The following PLEKHA2 variants were observed in gnomAD, a reference collection of about 807,000 sequenced individuals.
The protein encoded by PLEKHA2 is pleckstrin homology domain-containing family A member 2.
Under a neutral mutation model 53.2 loss-of-function variants are expected in PLEKHA2, and 28 were observed. The observed-to-expected ratio is 0.53, with a 90% CI of 0.39 to 0.72. PLEKHA2 has a LOEUF of 0.72. Among genes scored for constraint, PLEKHA2 ranks in the 30% least tolerant of loss-of-function variants. The pLI, the probability that PLEKHA2 is intolerant of heterozygous loss-of-function variation, is 0.00. For synonymous variants in PLEKHA2, 193 were observed against 196.4 expected, an observed-to-expected ratio of 0.98 and a Z score of 0.14; for missense variants, 426 against 537.9, an observed-to-expected ratio of 0.79 and a Z score of 2.06.
chr8:38,959,481 C>G (rs148989931), intron 10 of PLEKHA2, among the ~76,000 whole-genome samples: 8 of 152,294 alleles, frequency 5.3e-5, no homozygotes, highest in Non-Finnish European at 1.2e-4. Context: ...AAAAATACCA[C>G]TTGGGCAAGT....
chr8:38,915,295 A>G (rs1440208624), intron 1 of PLEKHA2, among the ~76,000 whole-genome samples: 1 of 152,220 alleles, frequency 6.6e-6, no homozygotes, highest in Non-Finnish European at 1.5e-5. Context: ...GGGTAACCGT[A>G]TTAGGCTGCT....
At chr8:38,918,524 A>ATGCACACACATGCACACACACT (rs1834111374) in intron 2 of PLEKHA2, among the ~76,000 whole-genome samples, 1 of 146,564 alleles carries the variant, frequency 6.8e-6, no homozygotes, top group Non-Finnish European at 1.5e-5. Flanking sequence ...CCATACACAC[A>ATGCACACACATGCACACACACT]TGCACACACA....
At chr8:38,964,138 G>T (rs1270121533) in intron 10 of PLEKHA2, among the ~76,000 whole-genome samples, 1 of 152,174 alleles carries the variant, frequency 6.6e-6, no homozygotes, top group Non-Finnish European at 1.5e-5. Context: ...ATTGCCTTGG[G>T]AGCTGAGGGT....
rs531213682 is a variant in PLEKHA2, at chr8:38,934,873, A to T, written c.142-1121A>T. Among the ~76,000 whole-genome samples, 356 of 94,618 alleles carry T rather than the reference A, an allele frequency of 3.8e-3. 2 individuals are homozygous for T. Among genetic ancestry groups the T allele is most frequent in the African/African-American group, 0.013 (343 of 27,366 alleles). The allele number at this position is 94,618 out of a possible 152,430, so 62.1% of individuals were successfully genotyped here. ...CGTGAGTTTGTATCCTATGTATTATAAAAAAAAAATTGAACTGGCATAAAA... is the reference window on the plus strand; with the variant it reads ...CGTGAGTTTGTATCCTATGTATTATTAAAAAAAAATTGAACTGGCATAAAA... On this transcript the variant is annotated intron_variant, in intron 2 of 11. Coordinates refer to ENST00000617275, the MANE Select transcript of PLEKHA2 (RefSeq NM_021623.2).
At chr8:38,938,825 A>G (rs1368676626) in intron 3 of PLEKHA2, among the ~76,000 whole-genome samples, 1 of 151,910 alleles carries the variant, frequency 6.6e-6, no homozygotes, top group Admixed American at 6.5e-5. Flanking sequence ...GCCTGCAGCC[A>G]CGCCTCTTCA....
At chr8:38,907,152 T>G (rs1833889495) in intron 1 of PLEKHA2, among the ~76,000 whole-genome samples, 1 of 152,338 alleles carries the variant, frequency 6.6e-6, no homozygotes, top group African/African-American at 2.4e-5. Context: ...TTGAATATTT[T>G]CTGGAGCAAA....
chr8:38,930,563 T>G (rs552802718), intron 2 of PLEKHA2, among the ~76,000 whole-genome samples: 1 of 152,328 alleles, frequency 6.6e-6, no homozygotes, highest in East Asian at 1.9e-4. Context: ...CCACAAAATT[T>G]AGAAGTCCAC....
chr8:38,962,882 G>T (rs1015416926), intron 10 of PLEKHA2, among the ~76,000 whole-genome samples: 4 of 152,114 alleles, frequency 2.6e-5, no homozygotes, highest in African/African-American at 9.7e-5. Context: ...CAGGGTGAAT[G>T]ATGTCACCTA....
At chr8:38,902,668 G>A (rs943487352) in intron 1 of PLEKHA2, among the ~76,000 whole-genome samples, 23 of 152,096 alleles carry the variant, frequency 1.5e-4, no homozygotes, top group African/African-American at 5.6e-4. Context: ...CTTTGGTTGC[G>A]AAGCCTTCCG....
rs181605403 is a variant in PLEKHA2, at chr8:38,903,216, A to G, written c.-24+1771A>G. 8.1e-4 allele frequency among the ~76,000 whole-genome samples: 124 copies of G among 152,270 alleles called. 1 individual carries two copies. The highest frequency in any genetic ancestry group is 4.1e-4 in the Non-Finnish European group (28 of 68,026). ...TGCCTTTACACCTAAGTATCCTTTGACCCTGTTTGTACATTACAGCATGCT... is the reference window on the plus strand; with the variant it reads ...TGCCTTTACACCTAAGTATCCTTTGGCCCTGTTTGTACATTACAGCATGCT... On this transcript the variant is annotated intron_variant, in intron 1 of 11. Coordinates refer to ENST00000617275, the MANE Select transcript of PLEKHA2 (RefSeq NM_021623.2).
intron 10 of PLEKHA2, among the ~76,000 whole-genome samples, chr8:38,962,224 C>T (rs932031282): frequency 2.0e-5 from 3 of 152,056 alleles, no homozygotes; most frequent in Non-Finnish European, 4.4e-5. Context: ...TGCAGTGGCT[C>T]ACACCTCTAA....
chr8:38,918,086 G>T lies in PLEKHA2; in HGVS notation c.141+16G>T, dbSNP rs758080677. The T allele has an allele frequency of 6.2e-7, 1 of 1,610,034 alleles. No homozygotes were observed. The highest frequency in any genetic ancestry group is 1.1e-5 in the South Asian group (1 of 90,486). On this transcript the variant is annotated intron_variant, in intron 2 of 11. Transcript: ENST00000617275. ...CAACCCCCAGGTGAGAGGGTCAGTG[G>T]GAAGGGGTGGGGCGACTGGGTGCCC...
chr8:38,950,853 C>T lies in PLEKHA2; in HGVS notation c.349C>T (p.Pro117Ser). 1 of 1,613,038 alleles carries T rather than the reference C, an allele frequency of 6.2e-7. No individual in the cohort carries two copies. ...TTGTTGCTGCCGCTCACCCCAGGTT[C>T]CCAAAGGTGGGGGCCTACCCATGAC... ...ALNQASKITV[P>S]KGGGLPMTTE... The change falls in exon 6 of 12, where the codon CCC (proline) becomes TCC (serine). Residue 117 changes from proline to serine, a missense_variant. Physicochemically the swap from Pro to Ser is moderately conservative, Grantham distance 74. Coordinates refer to ENST00000617275, the MANE Select transcript of PLEKHA2 (RefSeq NM_021623.2).
At chr8:38,943,689 AT>A (rs1430218674) in intron 3 of PLEKHA2, 99 bp from the exon 4 acceptor site, 4 of 839,570 alleles carry the variant, frequency 4.8e-6, no homozygotes, top group Non-Finnish European at 5.4e-6. Context: ...ATGTAGACAT[AT>A]GTTTAATGTA....
At position 38,971,839 on chromosome 8, in the gene PLEKHA2, T is replaced by A. The variant is rs528396736; in HGVS notation, c.*2056T>A. The stretch of plus-strand genomic sequence containing the variant: ...GCAGGCGCCTGTAGTCCCAGCTACT[T>A]GGGAGGCTGCGGCAGGAGAATGGTG... On this transcript the variant is annotated 3_prime_UTR_variant, in exon 12 of 12. Coordinates refer to ENST00000617275, the MANE Select transcript of PLEKHA2 (RefSeq NM_021623.2). 6.6e-6 allele frequency: 1 copy of A among 152,170 alleles called. No individual in the cohort carries two copies. Among genetic ancestry groups the A allele is most frequent in the East Asian group, 1.9e-4 (1 of 5,158 alleles). 9.4% of individuals were successfully genotyped at this position (152,170 alleles called of 1,614,324 possible).
At chr8:38,938,127 C>G (rs892450005) in intron 3 of PLEKHA2, among the ~76,000 whole-genome samples, 5 of 152,206 alleles carry the variant, frequency 3.3e-5, no homozygotes, top group Admixed American at 6.5e-5. Flanking sequence ...CACAGCCAAC[C>G]CCGCTGTCCC....
intron 10 of PLEKHA2, among the ~76,000 whole-genome samples, chr8:38,966,536 G>A (rs752748603): frequency 1.4e-4 from 21 of 152,192 alleles, no homozygotes; most frequent in Non-Finnish European, 2.9e-4. Context: ...CTTAGCCAGC[G>A]TTTGCTCTGT....
intron 6 of PLEKHA2, 129 bp from the exon 7 acceptor site, chr8:38,952,037 A>C (rs1309781091): frequency 1.6e-6 from 2 of 1,214,164 alleles, no homozygotes; most frequent in East Asian, 5.1e-5. Context: ...GGCGTGAGCC[A>C]CTGTGCCCAC....
intron 4 of PLEKHA2, among the ~76,000 whole-genome samples, chr8:38,945,573 A>G (rs1401487575): frequency 6.6e-6 from 1 of 152,180 alleles, no homozygotes; most frequent in Non-Finnish European, 1.5e-5. Context: ...TATATATGTA[A>G]TAATAGTGAA....
Sources: allele counts gnomAD v4.1 joint callset (sites outside exome capture counted in the v4.1 genomes callset), GRCh38; gene constraint gnomAD v4.1.1; transcripts MANE v1.5; gene names NCBI Gene and HGNC (gene_info 2026-07-23, HGNC 2026-07-21).